The following KIF26B variants were observed in gnomAD, a reference collection of about 807,000 sequenced individuals.
KIF26B encodes kinesin-like protein KIF26B.
KIF26B carries 63 observed loss-of-function variants against 151.2 expected under a neutral mutation model. The observed-to-expected ratio is 0.42, with a 90% CI of 0.34 to 0.51. The LOEUF is 0.51. Among genes scored for constraint, KIF26B ranks in the 20% least tolerant of loss-of-function variants. The pLI, the probability that KIF26B is intolerant of heterozygous loss-of-function variation, is 0.07. For missense variants in KIF26B, 2,813 were observed against 2,913.6 expected, an observed-to-expected ratio of 0.97 and a Z score of 0.79; for synonymous variants, 1,357 against 1,262.1, an observed-to-expected ratio of 1.08 and a Z score of -1.59.
intron 4 of KIF26B, among the ~76,000 whole-genome samples, chr1:245,439,065 T>C (rs928812821): frequency 2.0e-5 from 3 of 152,148 alleles, no homozygotes; most frequent in Admixed American, 6.6e-5. Context: ...CAATAAATGA[T>C]GGCCAGGCAT....
chr1:245,547,401 A>T (rs2103106772), intron 5 of KIF26B, among the ~76,000 whole-genome samples: 1 of 152,174 alleles, frequency 6.6e-6, no homozygotes, highest in South Asian at 2.1e-4. Context: ...CCTGGCCAAG[A>T]TGGTGAAAAC....
intron 4 of KIF26B, among the ~76,000 whole-genome samples, chr1:245,520,595 TCCATCCAC>T (rs140902476): frequency 0.11 from 12,946 of 115,768 alleles, 713 homozygotes; most frequent in African/African-American, 0.13. Flanking sequence ...CATCCATCCA[TCCATCCAC>T]CCACCCACCC....
chr1:245,363,134 T>C (rs761814273), intron 2 of KIF26B, among the ~76,000 whole-genome samples: 3 of 152,184 alleles, frequency 2.0e-5, no homozygotes, highest in Non-Finnish European at 4.4e-5. Context: ...GCCATTCTTT[T>C]TGTGTCCATA....
intron 2 of KIF26B, among the ~76,000 whole-genome samples, chr1:245,328,691 G>A (rs367739823): frequency 1.8e-4 from 28 of 152,272 alleles, no homozygotes; most frequent in African/African-American, 5.8e-4. Flanking sequence ...GAAAGGGCAC[G>A]ACACTCATTT....
intron 2 of KIF26B, among the ~76,000 whole-genome samples, chr1:245,284,850 C>A (rs958176489): frequency 1.3e-5 from 2 of 151,758 alleles, no homozygotes; most frequent in South Asian, 2.1e-4. Flanking sequence ...ACCAGCCTGA[C>A]CAATATGGAG....
rs1348326315 is a variant in KIF26B, at chr1:245,291,765, T to C, written c.466-75069T>C. On this transcript the variant is annotated intron_variant, in intron 2 of 14. Transcript: ENST00000407071. ...GGCATTTAAGCTGCGACCTAAGAGG[T>C]GGGTAGGAAGGGGTGTTCTCGCCAT... is the stretch of plus-strand genomic sequence containing the variant. Among the ~76,000 whole-genome samples, 3 of 151,686 alleles carry C rather than the reference T, an allele frequency of 2.0e-5. No homozygotes were observed. The East Asian group carries it at 5.8e-4, about 29-fold the overall frequency.
At chr1:245,169,603 C>G (rs1254730581) in intron 2 of KIF26B, among the ~76,000 whole-genome samples, 1 of 31,878 alleles carries the variant, frequency 3.1e-5, no homozygotes, top group East Asian at 5.4e-3. Context: ...GCTTTACAAG[C>G]ATTTTTTGCA....
At chr1:245,440,234 A>AC (rs1553274685) in intron 4 of KIF26B, among the ~76,000 whole-genome samples, 16 of 152,020 alleles carry the variant, frequency 1.1e-4, no homozygotes, top group African/African-American at 3.6e-4. Context: ...AAAAAAAAAA[A>AC]CTAAAAGGTT....
At chr1:245,208,592 T>C (rs977348284) in intron 2 of KIF26B, among the ~76,000 whole-genome samples, 2 of 152,176 alleles carry the variant, frequency 1.3e-5, no homozygotes, top group African/African-American at 4.8e-5. Context: ...GGTGGAGGCC[T>C]GGGGAGGCAA....
chr1:245,430,567 TG>T (rs1658752744), intron 4 of KIF26B, among the ~76,000 whole-genome samples: 1 of 151,940 alleles, frequency 6.6e-6, no homozygotes, highest in Non-Finnish European at 1.5e-5. Flanking sequence ...CTTGCGGGGC[TG>T]GGGCAGGAGG....
intron 2 of KIF26B, among the ~76,000 whole-genome samples, chr1:245,313,192 A>G (rs1446355619): frequency 2.0e-5 from 3 of 152,002 alleles, no homozygotes; most frequent in African/African-American, 7.3e-5. Context: ...AAACAAAAAG[A>G]TGGATTGACA....
intron 4 of KIF26B, among the ~76,000 whole-genome samples, chr1:245,525,937 T>A (rs749383041): frequency 1.5e-4 from 22 of 151,346 alleles, no homozygotes; most frequent in South Asian, 4.1e-4. Flanking sequence ...CCAAAAAAAA[T>A]GGAAATTATT....
At chr1:245,219,065 C>T (rs1268316308) in intron 2 of KIF26B, among the ~76,000 whole-genome samples, 3 of 147,000 alleles carry the variant, frequency 2.0e-5, no homozygotes, top group African/African-American at 7.5e-5. Context: ...TGGGTTACTT[C>T]TCTGTGTCTG....
At chr1:245,580,813 G>T (rs1035620886) in intron 5 of KIF26B, among the ~76,000 whole-genome samples, 2 of 152,142 alleles carry the variant, frequency 1.3e-5, no homozygotes, top group African/African-American at 4.8e-5. Context: ...CATGCCTCCT[G>T]CCTGCCACCT....
At chr1:245,518,209 A>G (rs759636892) in intron 4 of KIF26B, among the ~76,000 whole-genome samples, 41 of 152,134 alleles carry the variant, frequency 2.7e-4, no homozygotes, top group Admixed American at 5.9e-4. Context: ...GATGACTAAG[A>G]CAACGTATTT....
intron 2 of KIF26B, among the ~76,000 whole-genome samples, chr1:245,225,323 C>T (rs1669852099): frequency 6.6e-6 from 1 of 152,206 alleles, no homozygotes; most frequent in African/African-American, 2.4e-5. Context: ...CCATAGGAAA[C>T]TATTTCCCAT....
intron 12 of KIF26B, among the ~76,000 whole-genome samples, chr1:245,695,236 G>C (rs544015715): frequency 6.6e-6 from 1 of 152,256 alleles, no homozygotes; most frequent in East Asian, 1.9e-4. Context: ...CTTTGCCCAG[G>C]GATGGCATAG....
intron 9 of KIF26B, among the ~76,000 whole-genome samples, chr1:245,637,174 A>C (rs527823982): frequency 6.6e-6 from 1 of 151,868 alleles, no homozygotes; most frequent in Admixed American, 6.6e-5. Flanking sequence ...CCTCTCCAGC[A>C]TTTGTTTTTT....
At chr1:245,188,703 C>G (rs1669044159) in intron 2 of KIF26B, among the ~76,000 whole-genome samples, 2 of 152,178 alleles carry the variant, frequency 1.3e-5, no homozygotes, top group African/African-American at 4.8e-5. Context: ...TCAGCAGTTC[C>G]ACTTCTGGTA....
Sources: allele counts gnomAD v4.1 joint callset (sites outside exome capture counted in the v4.1 genomes callset), GRCh38; gene constraint gnomAD v4.1.1; transcripts MANE v1.5; gene names NCBI Gene and HGNC (gene_info 2026-07-23, HGNC 2026-07-21).